The following UBR3 variants were observed in gnomAD, a reference collection of about 807,000 sequenced individuals.
UBR3 encodes the protein ubiquitin protein ligase E3 component n-recognin 3, also known as E3 ubiquitin-protein ligase UBR3.
A neutral mutation model predicts 243.2 loss-of-function variants in UBR3; 85 were observed. The observed-to-expected ratio is 0.35, with a 90% CI of 0.29 to 0.42. The LOEUF is 0.42. Ranked by LOEUF, UBR3 falls within the 10% of genes least tolerant of loss-of-function variation. The pLI, the probability that UBR3 is intolerant of heterozygous loss-of-function variation, is 1.00. For missense variants in UBR3, 1,686 were observed against 2,300.8 expected, an observed-to-expected ratio of 0.73 and a Z score of 5.47; for synonymous variants, 748 against 799.8, an observed-to-expected ratio of 0.94 and a Z score of 1.09.
Position 170,063,024 on chromosome 2 carries a change from A to G in UBR3, c.5019+1581A>G, listed in dbSNP as rs544979420. 4.6e-5 allele frequency among the ~76,000 whole-genome samples: 7 copies of G among 152,340 alleles called. No homozygotes were observed. The South Asian group carries it at 6.2e-4, about 14-fold the overall frequency. The stretch of plus-strand genomic sequence containing the variant: ...TTGAAAGATGTTAGACAAAAATATG[A>G]TATGATTCAAATTGTGTTTCAGGAT... On this transcript the variant is annotated intron_variant, in intron 35 of 38. Transcript: ENST00000272793.
chr2:169,994,002 T>C (rs909222144), intron 25 of UBR3, among the ~76,000 whole-genome samples: 2 of 152,164 alleles, frequency 1.3e-5, no homozygotes, highest in African/African-American at 4.8e-5. Flanking sequence ...AATAGTATAT[T>C]TAGAAATAAA....
Position 170,040,824 on chromosome 2 carries a change from A to T in UBR3, c.4557-58A>T. ...CATAGATATATATGTGACATATAAA[A>T]TAAATTAGAAAGAGAAGATATACAA... On this transcript the variant is annotated intron_variant, in intron 31 of 38. Transcript: ENST00000272793. The T allele has an allele frequency of 3.9e-6, 5 of 1,283,052 alleles. No homozygotes were observed. In the South Asian group the frequency reaches 6.6e-5, roughly 17 times the overall value. 79.5% of individuals were successfully genotyped at this position (1,283,052 alleles called of 1,614,324 possible).
intron 18 of UBR3, among the ~76,000 whole-genome samples, chr2:169,930,447 C>G (rs913547568): frequency 6.6e-6 from 1 of 151,408 alleles, no homozygotes; most frequent in Non-Finnish European, 1.5e-5. Context: ...AGTGCAGTGG[C>G]GCCATCATAG....
chr2:169,893,810 C>G (rs572794953), intron 6 of UBR3, among the ~76,000 whole-genome samples: 1 of 152,230 alleles, frequency 6.6e-6, no homozygotes, highest in South Asian at 2.1e-4. Context: ...CATGTGCCCA[C>G]CTCAGCCTCC....
chr2:169,992,817 G>A (rs1046183815), intron 25 of UBR3, among the ~76,000 whole-genome samples: 8 of 152,164 alleles, frequency 5.3e-5, no homozygotes, highest in Non-Finnish European at 1.0e-4. Flanking sequence ...CTAGAGTGCA[G>A]TGGCACGATC....
At chr2:170,028,160 A>C (rs879891855) in intron 30 of UBR3, among the ~76,000 whole-genome samples, 34 of 151,896 alleles carry the variant, frequency 2.2e-4, no homozygotes, top group African/African-American at 8.0e-4. Context: ...ACTTACAAAA[A>C]TATATTTCCT....
At chr2:169,913,196 C>T (rs1237085595) in intron 10 of UBR3, among the ~76,000 whole-genome samples, 2 of 152,154 alleles carry the variant, frequency 1.3e-5, no homozygotes, top group African/African-American at 2.4e-5. Context: ...TTTAAAATTA[C>T]AGCCTCTCTA....
In UBR3 at chr2:170,001,322, G is replaced by A. The variant is rs377701353; in HGVS notation, c.3937G>A (p.Val1313Ile). ...YFKDSSCLLAVSIGWEGGVYV... is the reference protein window; with the variant it reads ...YFKDSSCLLAISIGWEGGVYV... ...TTTGAAGAGTTCATGTCTCTTGGCA[G>A]TATCAATTGGCTGGGAAGGAGGTGT... The change falls in exon 27 of 39, where the codon GTA (valine) becomes ATA (isoleucine). Residue 1313 changes from valine to isoleucine, a missense_variant. Physicochemically the swap from Val to Ile is conservative, Grantham distance 29. Around this residue, in one of 8 missense-constraint regions of UBR3, gnomAD observed 156 missense variants for 246.3 expected, o/e 0.63. Transcript: ENST00000272793. 10 of 1,612,282 alleles carry A rather than the reference G, an allele frequency of 6.2e-6. No homozygotes were observed. The African/African-American group carries it at 8.0e-5, about 13-fold the overall frequency.
chr2:170,045,578 A>G (rs888516092), intron 32 of UBR3, among the ~76,000 whole-genome samples: 21 of 152,198 alleles, frequency 1.4e-4, no homozygotes, highest in African/African-American at 5.1e-4. Flanking sequence ...GAGAGCTTGA[A>G]TCCTGCTTAT....
intron 5 of UBR3, among the ~76,000 whole-genome samples, chr2:169,889,412 GT>G (rs1338629800): frequency 1.3e-5 from 2 of 152,144 alleles, no homozygotes. Context: ...GACATAACAT[GT>G]TTTTCCAAGT....
chr2:170,076,285 A>C (rs1292543879), intron 36 of UBR3, among the ~76,000 whole-genome samples: 1 of 152,216 alleles, frequency 6.6e-6, no homozygotes, highest in African/African-American at 2.4e-5. Context: ...AGGAGGATTT[A>C]AAAAACAAAC....
At chr2:170,076,794 C>T (rs2091820022) in intron 36 of UBR3, among the ~76,000 whole-genome samples, 1 of 152,150 alleles carries the variant, frequency 6.6e-6, no homozygotes, top group Non-Finnish European at 1.5e-5. Flanking sequence ...GTGATTGGTC[C>T]TGTCTTTGTT....
At chr2:169,850,592 C>G (rs913860135) in intron 1 of UBR3, among the ~76,000 whole-genome samples, 1 of 152,136 alleles carries the variant, frequency 6.6e-6, no homozygotes, top group Non-Finnish European at 1.5e-5. Context: ...TGCCTGTAAT[C>G]CCAGCGCTTT....
intron 31 of UBR3, among the ~76,000 whole-genome samples, chr2:170,030,848 A>G (rs1005437088): frequency 1.3e-5 from 2 of 152,180 alleles, no homozygotes; most frequent in South Asian, 2.1e-4. Context: ...TAAAAACTAT[A>G]TAACAAAATA....
intron 35 of UBR3, among the ~76,000 whole-genome samples, chr2:170,068,984 CATCCAGAAAAGAAAT>C (rs1297535316): frequency 1.2e-4 from 19 of 152,182 alleles, no homozygotes; most frequent in African/African-American, 3.9e-4. Flanking sequence ...AATTGTTATG[CATCCAGAAAAGAAAT>C]ATCAAGAACT....
At chr2:170,065,785 C>T (rs958797890) in intron 35 of UBR3, among the ~76,000 whole-genome samples, 7 of 151,868 alleles carry the variant, frequency 4.6e-5, no homozygotes, top group Non-Finnish European at 7.4e-5. Flanking sequence ...TAATAACTTG[C>T]CTTTTTACTA....
rs940192559 is a variant in UBR3, at chr2:170,012,582, C to T, written c.4368-2699C>T. Among the ~76,000 whole-genome samples, 4 of 151,866 alleles carry T rather than the reference C, an allele frequency of 2.6e-5. No individual in the cohort carries two copies. In the South Asian group the frequency reaches 8.3e-4, roughly 32 times the overall value. On this transcript the variant is annotated intron_variant, in intron 29 of 38. Coordinates refer to ENST00000272793, the MANE Select transcript of UBR3 (RefSeq NM_172070.4). Reference sequence around the variant, plus strand: ...ATTGAAATATAAAATATGTGTAAGTCCTTCTTTCTGTCCCAGGAAAGCTTC... The same window carrying T: ...ATTGAAATATAAAATATGTGTAAGTTCTTCTTTCTGTCCCAGGAAAGCTTC...
intron 5 of UBR3, among the ~76,000 whole-genome samples, chr2:169,886,639 A>G (rs1234758047): frequency 1.3e-5 from 2 of 152,124 alleles, no homozygotes; most frequent in African/African-American, 2.4e-5. Context: ...CAGTGATGGG[A>G]CATCTTTTGA....
intron 10 of UBR3, among the ~76,000 whole-genome samples, chr2:169,907,733 C>G (rs1332028604): frequency 3.3e-5 from 5 of 151,764 alleles, no homozygotes; most frequent in African/African-American, 1.2e-4. Context: ...ACAAGTTGCC[C>G]TCAACTTGTC....
Sources: allele counts gnomAD v4.1 joint callset (sites outside exome capture counted in the v4.1 genomes callset), GRCh38; gene constraint gnomAD v4.1.1; regional missense constraint gnomAD v4.1.1; transcripts MANE v1.5; gene names NCBI Gene and HGNC (gene_info 2026-07-23, HGNC 2026-07-21).